SNTG1: variants seen among roughly 807,000 people sequenced by gnomAD.
The protein encoded by SNTG1 is syntrophin gamma 1, also known as gamma-1-syntrophin.
Under a neutral mutation model 74.7 loss-of-function variants are expected in SNTG1, and 39 were observed. The ratio of observed to expected loss-of-function variants is 0.52; its 90% CI spans 0.40 to 0.68. The LOEUF (loss-of-function observed/expected upper bound fraction) is 0.68. Ranked by LOEUF, SNTG1 falls within the 30% of genes least tolerant of loss-of-function variation. The pLI is 0.00. For synonymous variants in SNTG1, 254 were observed against 217.1 expected, an observed-to-expected ratio of 1.17 and a Z score of -1.49; for missense variants, 685 against 609.5, an observed-to-expected ratio of 1.12 and a Z score of -1.30.
At chr8:49,986,510 C>T (rs912786861) in intron 1 of SNTG1, among the ~76,000 whole-genome samples, 1 of 152,094 alleles carries the variant, frequency 6.6e-6, no homozygotes, top group African/African-American at 2.4e-5. Flanking sequence ...AATATGTGTA[C>T]ATGATACTCA....
intron 11 of SNTG1, among the ~76,000 whole-genome samples, chr8:50,547,554 CAGT>C (rs2094397015): frequency 6.6e-6 from 1 of 152,042 alleles, no homozygotes; most frequent in Non-Finnish European, 1.5e-5. Flanking sequence ...TTCATTTCTC[CAGT>C]TTATTATAAC....
At chr8:50,077,952 ATGTGTGTATTTATGTATGTGTG>A (rs1822045920) in intron 1 of SNTG1, among the ~76,000 whole-genome samples, 2 of 152,028 alleles carry the variant, frequency 1.3e-5, no homozygotes, top group Admixed American at 1.3e-4. Flanking sequence ...TAAATGTGTG[ATGTGTGTATTTATGTATGTGTG>A]TGTGTGCATT....
chr8:50,183,062 A>T (rs10108552), intron 2 of SNTG1, among the ~76,000 whole-genome samples: 2 of 152,042 alleles, frequency 1.3e-5, no homozygotes, highest in African/African-American at 4.8e-5. Flanking sequence ...GTAACGCCTA[A>T]TCTGACCCAT....
intron 2 of SNTG1, among the ~76,000 whole-genome samples, chr8:50,310,877 T>C (rs998624455): frequency 1.3e-5 from 2 of 152,232 alleles, no homozygotes; most frequent in African/African-American, 2.4e-5. Context: ...ATGTGTATAA[T>C]TGAATCATGA....
At chr8:50,768,986 C>A (rs1355429311) in intron 18 of SNTG1, among the ~76,000 whole-genome samples, 1 of 151,910 alleles carries the variant, frequency 6.6e-6, no homozygotes, top group Non-Finnish European at 1.5e-5. Context: ...AAGATAGTGC[C>A]TCTCTCTCCC....
chr8:50,304,926 G>A (rs901102498), intron 2 of SNTG1, among the ~76,000 whole-genome samples: 1 of 152,016 alleles, frequency 6.6e-6, no homozygotes, highest in Non-Finnish European at 1.5e-5. Flanking sequence ...TTGAGATGGA[G>A]ACTCACTCTC....
intron 1 of SNTG1, among the ~76,000 whole-genome samples, chr8:49,961,814 G>A (rs1230360544): frequency 2.0e-5 from 3 of 152,134 alleles, no homozygotes; most frequent in African/African-American, 7.2e-5. Flanking sequence ...CTTTTCTAAT[G>A]GAGAAGGACA....
chr8:50,327,527 T>A (rs1210502541), intron 2 of SNTG1, among the ~76,000 whole-genome samples: 1 of 152,180 alleles, frequency 6.6e-6, no homozygotes, highest in African/African-American at 2.4e-5. Context: ...CTGTATCCTC[T>A]TACTTTGAAT....
chr8:50,494,142 T>C (rs546350800), intron 8 of SNTG1, among the ~76,000 whole-genome samples: 23 of 150,100 alleles, frequency 1.5e-4, no homozygotes, highest in East Asian at 1.2e-3. Context: ...CACACACACA[T>C]ATATATATAC....
At chr8:50,651,127 T>C (rs2095142865) in intron 13 of SNTG1, among the ~76,000 whole-genome samples, 1 of 152,224 alleles carries the variant, frequency 6.6e-6, no homozygotes, top group Non-Finnish European at 1.5e-5. Flanking sequence ...CATGAGTATT[T>C]ACATTATTAT....
intron 2 of SNTG1, among the ~76,000 whole-genome samples, chr8:50,369,325 G>T (rs1039969654): frequency 2.0e-5 from 3 of 152,156 alleles, no homozygotes; most frequent in Non-Finnish European, 4.4e-5. Context: ...GGCTGGGCAC[G>T]GTGGCTAACG....
rs527417066 is a variant in SNTG1, at chr8:50,708,887, G to A, written c.1193G>A (p.Cys398Tyr). 118 of 1,609,094 alleles carry A rather than the reference G, an allele frequency of 7.3e-5. No individual in the cohort carries two copies. Among genetic ancestry groups the A allele is most frequent in the Non-Finnish European group, 9.8e-5 (115 of 1,175,852 alleles). The change falls in exon 17 of 19, where the codon TGC becomes TAC. Residue 398 changes from cysteine to tyrosine, a missense_variant and splice_region_variant. Coordinates refer to ENST00000642720, the MANE Select transcript of SNTG1 (RefSeq NM_018967.5). ...AACAATACTTTCTGTTCTACCTAGT[G>A]CAAGACCTATGCATGTGTGCTAGAA... ...ATFLEVERIQ[C>Y]KTYACVLESH...
At chr8:50,273,026 G>A (rs545105651) in intron 2 of SNTG1, among the ~76,000 whole-genome samples, 26 of 152,194 alleles carry the variant, frequency 1.7e-4, no homozygotes, top group African/African-American at 2.4e-4. Flanking sequence ...TTACAAGCAC[G>A]AGCATATTTT....
intron 2 of SNTG1, among the ~76,000 whole-genome samples, chr8:50,373,012 C>T (rs1467166187): frequency 6.6e-6 from 1 of 152,120 alleles, no homozygotes; most frequent in East Asian, 1.9e-4. Context: ...TATATTTAAA[C>T]ATTTAGCTAT....
chr8:50,433,659 T>A (rs1022951188), intron 4 of SNTG1, among the ~76,000 whole-genome samples: 11 of 152,064 alleles, frequency 7.2e-5, no homozygotes, highest in African/African-American at 2.7e-4. Flanking sequence ...CCTACACCAG[T>A]GGGTTGCTGT....
intron 1 of SNTG1, among the ~76,000 whole-genome samples, chr8:49,990,618 G>A (rs1465135870): frequency 7.9e-5 from 12 of 152,032 alleles, no homozygotes; most frequent in Non-Finnish European, 1.8e-4. Flanking sequence ...AGACATAGAG[G>A]TTAATGGAAT....
In SNTG1 at chr8:50,080,255, T is replaced by A. The variant is rs546966057; in HGVS notation, c.-102-92306T>A. ...TACTATTTCTTGTCTTAAAATCTAT[T>A]TTGTCTGTTATTGATAAAACTAGGC... On this transcript the variant is annotated intron_variant, in intron 1 of 18. Transcript: ENST00000642720. Among the ~76,000 whole-genome samples, 27 of 152,318 alleles carry A rather than the reference T, an allele frequency of 1.8e-4. 1 individual carries two copies. In the South Asian group the frequency reaches 1.9e-3, roughly 11 times the overall value.
At chr8:50,235,858 AC>A (rs2085865580) in intron 2 of SNTG1, among the ~76,000 whole-genome samples, 1 of 152,156 alleles carries the variant, frequency 6.6e-6, no homozygotes, top group Non-Finnish European at 1.5e-5. Flanking sequence ...GCAGTTTCTC[AC>A]AAAAACTTCA....
In SNTG1 at chr8:49,986,812, T is replaced by C. The variant is rs559598762; in HGVS notation, c.-103+74581T>C. 6.6e-5 allele frequency among the ~76,000 whole-genome samples: 10 copies of C among 151,596 alleles called. No homozygotes were observed. The South Asian group carries it at 1.9e-3, about 29-fold the overall frequency. On this transcript the variant is annotated intron_variant, in intron 1 of 18. Coordinates refer to ENST00000642720, the MANE Select transcript of SNTG1 (RefSeq NM_018967.5). Reference sequence around the variant, plus strand: ...GGGAGGGTCACATGAACCCAGGAAGTCAAGGCCATGATCGTGCCACTGCAC... The same window carrying C: ...GGGAGGGTCACATGAACCCAGGAAGCCAAGGCCATGATCGTGCCACTGCAC...
Sources: gnomAD v4.1 joint callset for allele counts (sites outside exome capture counted in the v4.1 genomes callset) on GRCh38, gnomAD v4.1.1 for gene constraint, MANE v1.5 for transcripts, NCBI Gene and HGNC (gene_info 2026-07-23, HGNC 2026-07-21) for gene names.